AFF3: variants seen among roughly 807,000 people sequenced by gnomAD.
The protein encoded by AFF3 is AF4/FMR2 family member 3.
A neutral mutation model predicts 129.7 loss-of-function variants in AFF3; 32 were observed. That is an observed-to-expected ratio of 0.25 (90% CI 0.19 to 0.33). AFF3 has a LOEUF of 0.33. Among genes scored for constraint, AFF3 ranks in the 10% least tolerant of loss-of-function variants. The pLI, the probability that AFF3 is intolerant of heterozygous loss-of-function variation, is 1.00. For missense variants in AFF3, 1,373 were observed against 1,592.0 expected, an observed-to-expected ratio of 0.86 and a Z score of 2.34; for synonymous variants, 644 against 635.4, an observed-to-expected ratio of 1.01 and a Z score of -0.20.
At chr2:99,598,073 A>T (rs1237350720) in intron 14 of AFF3, among the ~76,000 whole-genome samples, 1 of 152,178 alleles carries the variant, frequency 6.6e-6, no homozygotes, top group African/African-American at 2.4e-5. Flanking sequence ...CTATCCCATG[A>T]AGGAGGGTTT....
intron 4 of AFF3, among the ~76,000 whole-genome samples, chr2:100,054,343 G>A (rs1559090653): frequency 1.3e-5 from 2 of 152,222 alleles, no homozygotes; most frequent in South Asian, 4.1e-4. Context: ...CTGGATAGAA[G>A]TAACATTTCA....
rs371057868 is a variant in AFF3 at position 99,568,908 on chromosome 2, T to C, written c.2926A>G (p.Ser976Gly). Reference sequence around the variant, plus strand: ...GCTTCTTGCATAAAATAATCGGCACTGCGAGGCCTACAAGGAGAGAATGAT... The same window carrying C: ...GCTTCTTGCATAAAATAATCGGCACCGCGAGGCCTACAAGGAGAGAATGAT... ...QKLVFDDMPR[S>G]ADYFMQEAKR... is the part of the protein sequence containing the mutation. The change falls in exon 19 of 25, where the codon AGT becomes GGT. Residue 976 changes from serine to glycine, a missense_variant. This residue lies in a region of AFF3 where 65 missense variants were observed against 102.1 expected (regional missense o/e 0.64). Coordinates refer to ENST00000672756, the MANE Select transcript of AFF3 (RefSeq NM_001386135.1). The C allele has an allele frequency of 5.6e-5, 90 of 1,613,980 alleles. No homozygotes were observed. Among genetic ancestry groups the C allele is most frequent in the Non-Finnish European group, 6.8e-5 (80 of 1,179,952 alleles).
rs141695864 is a variant in AFF3, at chr2:100,007,311, G to C, written c.324C>G (p.Ile108Met). Residue 108 changes from isoleucine (I) to methionine (M), a missense_variant, in exon 6 of 25, where the codon ATC becomes ATG. Transcript: ENST00000672756. The stretch of plus-strand genomic sequence containing the variant: ...TTGAATCTGCAACAAAATGTTCATC[G>C]ATCTTGTTCACAGGAGTCTGAGGAA... The part of the protein sequence containing the change: ...PGVPQTPVNK[I>M]DEHFVADSRA... 2 of 1,614,072 alleles carry C rather than the reference G, an allele frequency of 1.2e-6. No individual in the cohort carries two copies. Among genetic ancestry groups the C allele is most frequent in the South Asian group, 1.1e-5 (1 of 91,072 alleles).
chr2:99,861,240 CAG>C (rs565914849), intron 7 of AFF3, among the ~76,000 whole-genome samples: 171 of 152,320 alleles, frequency 1.1e-3, no homozygotes, highest in Middle Eastern at 0.01. Flanking sequence ...GTTTCATGTG[CAG>C]CTTCCAACAT....
chr2:99,614,953 T>C (rs1681273506), intron 13 of AFF3, among the ~76,000 whole-genome samples: 2 of 152,244 alleles, frequency 1.3e-5, no homozygotes, highest in African/African-American at 2.4e-5. Context: ...AATACAATAA[T>C]GTACAGACAT....
intron 4 of AFF3, among the ~76,000 whole-genome samples, chr2:100,091,984 T>C (rs936444497): frequency 5.9e-3 from 864 of 147,124 alleles, no homozygotes; most frequent in African/African-American, 0.02. Flanking sequence ...CCGTGGTGCC[T>C]GCAGCCTACT....
chr2:99,744,215 TAA>T, intron 9 of AFF3, 75 bp from the exon 10 acceptor site: 1 of 1,344,000 alleles, frequency 7.4e-7, no homozygotes, highest in Non-Finnish European at 1.1e-6. Flanking sequence ...AGATCATGTT[TAA>T]AACTGGTCAT....
chr2:100,133,012 C>T (rs1326518650), intron 1 of AFF3, among the ~76,000 whole-genome samples: 7 of 150,894 alleles, frequency 4.6e-5, no homozygotes, highest in South Asian at 2.1e-4. Context: ...ACGGCAGCTT[C>T]GAACTCTTGG....
intron 15 of AFF3, among the ~76,000 whole-genome samples, chr2:99,592,528 A>T (rs1379669729): frequency 1.3e-5 from 2 of 152,148 alleles, no homozygotes; most frequent in Non-Finnish European, 2.9e-5. Flanking sequence ...GAGGGTTCTC[A>T]TGTGTTTAGC....
In AFF3 at chr2:99,697,911, T is replaced by C. The variant is rs142289419; in HGVS notation, c.1092-25322A>G. On this transcript the variant is annotated intron_variant, in intron 11 of 24. Coordinates refer to ENST00000672756, the MANE Select transcript of AFF3 (RefSeq NM_001386135.1). ...TAAGGTAGTGAACAAATACCTGACT[T>C]TGTGAATTTGCATGCTGCCAATATA... Among the ~76,000 whole-genome samples the C allele has an allele frequency of 2.0e-3, 304 of 152,372 alleles. 1 individual carries two copies. The highest frequency in any genetic ancestry group is 2.8e-3 in the Non-Finnish European group (189 of 68,032).
chr2:99,910,782 C>A (rs10193926), intron 7 of AFF3, among the ~76,000 whole-genome samples: 1 of 152,228 alleles, frequency 6.6e-6, no homozygotes, highest in Non-Finnish European at 1.5e-5. Context: ...ACCTTACATT[C>A]TTTTCTAAAG....
intron 7 of AFF3, among the ~76,000 whole-genome samples, chr2:99,851,414 T>C (rs565850104): frequency 6.6e-6 from 1 of 152,344 alleles, no homozygotes; most frequent in East Asian, 1.9e-4. Context: ...ATATATTGTG[T>C]ATTGTGAAGG....
At chr2:99,774,344 A>G (rs924422067) in intron 8 of AFF3, among the ~76,000 whole-genome samples, 1 of 152,172 alleles carries the variant, frequency 6.6e-6, no homozygotes, top group Non-Finnish European at 1.5e-5. Context: ...TTAAACTATA[A>G]TACAAGACTA....
At chr2:99,677,890 C>A (rs1674147182) in intron 11 of AFF3, among the ~76,000 whole-genome samples, 1 of 152,166 alleles carries the variant, frequency 6.6e-6, no homozygotes, top group South Asian at 2.1e-4. Context: ...CCAATCATAG[C>A]TCACTGCAGC....
chr2:99,614,142 A>G (rs906773212), intron 13 of AFF3, among the ~76,000 whole-genome samples: 1 of 152,152 alleles, frequency 6.6e-6, no homozygotes, highest in East Asian at 1.9e-4. Flanking sequence ...GGAGTAGAGA[A>G]TGGCCTGGGG....
At chr2:99,601,267 G>A (rs1679798569) in intron 14 of AFF3, among the ~76,000 whole-genome samples, 168 bp downstream of exon 14, 1 of 152,210 alleles carries the variant, frequency 6.6e-6, no homozygotes, top group Admixed American at 6.5e-5. Flanking sequence ...TGTGAGGAGG[G>A]GGAAAATGTG....
chr2:99,887,786 T>C (rs1287285650), intron 7 of AFF3, among the ~76,000 whole-genome samples: 1 of 152,242 alleles, frequency 6.6e-6, no homozygotes, highest in African/African-American at 2.4e-5. Context: ...CATTGTCTAA[T>C]CCTTTATGGC....
At position 100,135,671 on chromosome 2, in the gene AFF3, A is replaced by T. The variant is rs550440197; in HGVS notation, c.-227-6365T>A. On this transcript the variant is annotated intron_variant, in intron 1 of 24. Coordinates refer to ENST00000672756, the MANE Select transcript of AFF3 (RefSeq NM_001386135.1). ...ATGCGGAAGGTTGTTTTGAGCCACC[A>T]TGGTTTAGGGTAGTTGGTTATGCGG... Among the ~76,000 whole-genome samples, 7 of 152,312 alleles carry T rather than the reference A, an allele frequency of 4.6e-5. No individual in the cohort carries two copies. The South Asian group carries it at 8.3e-4, about 18-fold the overall frequency.
intron 18 of AFF3, among the ~76,000 whole-genome samples, chr2:99,573,735 C>A (rs1676723435): frequency 1.3e-5 from 2 of 152,222 alleles, no homozygotes; most frequent in Admixed American, 1.3e-4. Context: ...TCTTTCCTCA[C>A]TGTCGGGAGG....
Sources: allele counts gnomAD v4.1 joint callset (sites outside exome capture counted in the v4.1 genomes callset), GRCh38; gene constraint gnomAD v4.1.1; regional missense constraint gnomAD v4.1.1; transcripts MANE v1.5; gene names NCBI Gene and HGNC (gene_info 2026-07-23, HGNC 2026-07-21).